The following RERE variants were observed in gnomAD, a reference collection of about 807,000 sequenced individuals.
RERE encodes the protein arginine-glutamic acid dipeptide repeats, also known as arginine-glutamic acid dipeptide repeats protein.
RERE carries 40 observed loss-of-function variants against 146.1 expected under a neutral mutation model. That is an observed-to-expected ratio of 0.27 (90% CI 0.21 to 0.36). RERE has a LOEUF of 0.36. RERE is among the 10% of genes least tolerant of loss of function. The pLI is 1.00. For synonymous variants in RERE, 1,003 were observed against 866.0 expected (o/e 1.16, Z -2.78); for missense variants, 1,933 against 2,138.7 (o/e 0.90, Z 1.90).
intron 1 of RERE, among the ~76,000 whole-genome samples, chr1:8,673,887 T>TGG (rs1255070290): frequency 6.6e-6 from 1 of 152,000 alleles, no homozygotes; most frequent in Non-Finnish European, 1.5e-5. Flanking sequence ...ACAAATTAGC[T>TGG]GGGCACCTGG....
chr1:8,757,026 G>A (rs1295497972), intron 1 of RERE, among the ~76,000 whole-genome samples: 1 of 150,876 alleles, frequency 6.6e-6, no homozygotes, highest in African/African-American at 2.4e-5. Context: ...GGAGGTGGAG[G>A]TGGCATTGAG....
chr1:8,423,043 G>C lies in RERE; in HGVS notation c.1204-236C>G, dbSNP rs1055487975. On this transcript the variant is annotated intron_variant, in intron 11 of 22. Transcript: ENST00000400908. This position sits in a 1 kb window ranked among gnomAD's most constrained non-coding sequence, Gnocchi z 5.4. ...CCACCACGCAGGGCAGCGCGTTTAA[G>C]AGAAGGACGTCCTGCGTCTGAGGCT... is the stretch of plus-strand genomic sequence containing the variant. 1.6e-5 allele frequency: 8 copies of C among 499,322 alleles called. No individual in the cohort carries two copies. The highest frequency in any genetic ancestry group is 7.3e-5 in the South Asian group (3 of 40,994). The allele number at this position is 499,322 out of a possible 1,614,324, so 30.9% of individuals were successfully genotyped here.
At chr1:8,754,401 A>T (rs948886511) in intron 1 of RERE, among the ~76,000 whole-genome samples, 1 of 152,208 alleles carries the variant, frequency 6.6e-6, no homozygotes, top group African/African-American at 2.4e-5. Context: ...GGTTAATACA[A>T]AAGAATTTCA....
At chr1:8,501,938 G>A (rs1645168962) in intron 8 of RERE, among the ~76,000 whole-genome samples, 1 of 96,306 alleles carries the variant, frequency 1.0e-5, no homozygotes, top group African/African-American at 3.9e-5. Context: ...AGGGAGGTGG[G>A]GGGGATCAGC....
At chr1:8,756,584 T>C (rs917849368) in intron 1 of RERE, among the ~76,000 whole-genome samples, 1 of 152,256 alleles carries the variant, frequency 6.6e-6, no homozygotes, top group Non-Finnish European at 1.5e-5. Flanking sequence ...TTAAAATTAA[T>C]GCATCAAACT....
chr1:8,728,950 G>T (rs1028432615), intron 1 of RERE, among the ~76,000 whole-genome samples: 1 of 152,078 alleles, frequency 6.6e-6, no homozygotes, highest in Non-Finnish European at 1.5e-5. Context: ...GTGATCATCC[G>T]AGGTCGGGAG....
intron 1 of RERE, among the ~76,000 whole-genome samples, chr1:8,690,910 T>C (rs1391817518): frequency 6.6e-6 from 1 of 152,140 alleles, no homozygotes; most frequent in Non-Finnish European, 1.5e-5. Context: ...TTTATTTATT[T>C]ATTTTTGAGA....
chr1:8,646,556 C>CAAA (rs568370827), intron 2 of RERE, among the ~76,000 whole-genome samples: 2 of 144,220 alleles, frequency 1.4e-5, no homozygotes, highest in African/African-American at 5.1e-5. Context: ...AACAAACAAA[C>CAAA]AAAAAAAAAA....
At position 8,810,292 on chromosome 1, in the gene RERE, G is replaced by A. The variant is rs557760419; in HGVS notation, c.-145+6868C>T. ...TGGGATTACAGGCATGAGCCACCGC[G>A]CCTGGCCTAAAGTTATTTTTAAATA... On this transcript the variant is annotated intron_variant, in intron 1 of 22. Transcript: ENST00000400908. 8.7e-4 allele frequency among the ~76,000 whole-genome samples: 132 copies of A among 151,454 alleles called. 2 individuals are homozygous for A. The highest frequency in any genetic ancestry group is 3.4e-3 in the Middle Eastern group (1 of 294).
intron 9 of RERE, among the ~76,000 whole-genome samples, chr1:8,497,191 A>C (rs1436101890): frequency 1.3e-5 from 2 of 152,210 alleles, no homozygotes; most frequent in Non-Finnish European, 2.9e-5. Flanking sequence ...AACACCAAGA[A>C]GAAAAACATT....
chr1:8,767,489 C>T (rs1476554088), intron 1 of RERE, among the ~76,000 whole-genome samples: 2 of 151,394 alleles, frequency 1.3e-5, no homozygotes, highest in South Asian at 2.1e-4. Context: ...TGTATTAATC[C>T]CAGCTACTTG....
intron 7 of RERE, 78 bp downstream of exon 7, chr1:8,541,136 C>CACACACACACAT (rs901430171): frequency 1.3e-6 from 1 of 745,998 alleles, no homozygotes; most frequent in Non-Finnish European, 2.2e-6. Context: ...ATAAACTACA[C>CACACACACACAT]ACACACACAC....
At chr1:8,567,080 C>T (rs1482867344) in intron 4 of RERE, among the ~76,000 whole-genome samples, 1 of 152,104 alleles carries the variant, frequency 6.6e-6, no homozygotes, top group Non-Finnish European at 1.5e-5. Context: ...TGAGGCACCG[C>T]ACCCGGCCAG....
At chr1:8,450,260 T>G (rs1337044168) in intron 11 of RERE, among the ~76,000 whole-genome samples, 1 of 151,736 alleles carries the variant, frequency 6.6e-6, no homozygotes, top group Non-Finnish European at 1.5e-5. Flanking sequence ...GTACCTTTCC[T>G]CCACCTTCAA....
Position 8,732,967 on chromosome 1 carries a change from G to T in RERE, c.-144-76526C>A, listed in dbSNP as rs1482100165. Among the ~76,000 whole-genome samples, 7 of 150,754 alleles carry T rather than the reference G, an allele frequency of 4.6e-5. No individual in the cohort carries two copies. The South Asian group carries it at 1.5e-3, about 31-fold the overall frequency. On this transcript the variant is annotated intron_variant, in intron 1 of 22. Coordinates refer to ENST00000400908, the MANE Select transcript of RERE (RefSeq NM_001042681.2). ...CTCCCGAGTAGCTGGGACTACAGGCGCCCGCCACTACGCCCGGCTAATTTT... is the reference window on the plus strand; with the variant it reads ...CTCCCGAGTAGCTGGGACTACAGGCTCCCGCCACTACGCCCGGCTAATTTT...
intron 15 of RERE, chr1:8,363,825 G>C: frequency 1.7e-6 from 1 of 577,030 alleles, no homozygotes; most frequent in Non-Finnish European, 3.1e-6. Context: ...CAGAAGCTAA[G>C]AGCTTGCTAC....
intron 4 of RERE, among the ~76,000 whole-genome samples, chr1:8,577,575 C>T (rs892479447): frequency 1.6e-4 from 25 of 152,158 alleles, no homozygotes; most frequent in Non-Finnish European, 3.5e-4. Context: ...TCCTTGGCCC[C>T]CCATACTCAT....
At chr1:8,718,038 T>C (rs1639794913) in intron 1 of RERE, among the ~76,000 whole-genome samples, 1 of 152,226 alleles carries the variant, frequency 6.6e-6, no homozygotes. Flanking sequence ...GTAAACACAG[T>C]TGTTAAGAGT....
chr1:8,423,756 G>C lies in RERE; in HGVS notation c.1204-949C>G. ...CGCGGGGCCCGGGGGGCGCGGGGCTGGGGCCGCCGCTGACGGGGGAGGAGG... is the reference window on the plus strand; with the variant it reads ...CGCGGGGCCCGGGGGGCGCGGGGCTCGGGCCGCCGCTGACGGGGGAGGAGG... On this transcript the variant is annotated intron_variant, in intron 11 of 22. Transcript: ENST00000400908. This position sits in a 1 kb window ranked among gnomAD's most constrained non-coding sequence, Gnocchi z 5.4. 1 of 919,074 alleles carries C rather than the reference G, an allele frequency of 1.1e-6. No individual in the cohort carries two copies. Among genetic ancestry groups the C allele is most frequent in the Non-Finnish European group, 1.3e-6 (1 of 772,550 alleles). 56.9% of individuals were successfully genotyped at this position (919,074 alleles called of 1,614,324 possible).
Sources: allele counts gnomAD v4.1 joint callset (sites outside exome capture counted in the v4.1 genomes callset), GRCh38; gene constraint gnomAD v4.1.1; non-coding constraint Gnocchi (gnomAD v3.1); transcripts MANE v1.5; gene names NCBI Gene and HGNC (gene_info 2026-07-23, HGNC 2026-07-21).